Variants in DOCK1 observed in about 807,000 individuals in gnomAD.
DOCK1 encodes the protein dedicator of cytokinesis 1.
A neutral mutation model predicts 262.7 loss-of-function variants in DOCK1; 138 were observed. That is an observed-to-expected ratio of 0.53 (90% CI 0.46 to 0.61). The LOEUF (loss-of-function observed/expected upper bound fraction) is 0.61. Ranked by LOEUF, DOCK1 falls within the 20% of genes least tolerant of loss-of-function variation. The pLI, the probability that DOCK1 is intolerant of heterozygous loss-of-function variation, is 0.00. For missense variants in DOCK1, 1,908 were observed against 2,370.7 expected (o/e 0.80, Z 4.05); for synonymous variants, 866 against 867.4 (o/e 1.00, Z 0.03).
intron 30 of DOCK1, among the ~76,000 whole-genome samples, chr10:127,339,633 G>GTT (rs2063339049): frequency 6.6e-6 from 1 of 151,540 alleles, no homozygotes; most frequent in Non-Finnish European, 1.5e-5. Flanking sequence ...GTTTGTGTGT[G>GTT]TGTGTGTGTG....
chr10:127,263,144 A>C (rs928032051), intron 29 of DOCK1, among the ~76,000 whole-genome samples: 3 of 152,160 alleles, frequency 2.0e-5, no homozygotes, highest in Non-Finnish European at 2.9e-5. Flanking sequence ...GTGAATTTTG[A>C]GTGTGGAATT....
At chr10:127,155,792 G>C (rs967490749) in intron 27 of DOCK1, among the ~76,000 whole-genome samples, 35 of 152,144 alleles carry the variant, frequency 2.3e-4, no homozygotes, top group African/African-American at 7.5e-4. Flanking sequence ...TTCTACTGGA[G>C]CTCGGCTCTA....
chr10:127,088,153 T>G (rs1344378819), intron 23 of DOCK1, among the ~76,000 whole-genome samples: 1 of 152,242 alleles, frequency 6.6e-6, no homozygotes. Flanking sequence ...CTCATATTTT[T>G]CTTTATCATA....
At position 127,026,418 on chromosome 10, in the gene DOCK1, C is replaced by T; in HGVS notation, c.1618C>T (p.Gln540Ter). Residue 540 changes from glutamine (Q) to a stop codon, truncating the protein, a stop_gained, in exon 16 of 52, where the codon CAG becomes TAG. Coordinates refer to ENST00000623213, the MANE Select transcript of DOCK1 (RefSeq NM_001290223.2). LOFTEE classifies it high-confidence loss of function. Reference protein sequence around the residue: ...LRFTFRHRSSQDSKDKSEKIF... With the variant: ...LRFTFRHRSS ...GTTTACCTTCCGCCACAGGTCATCA[C>T]AGGACTGTGAGTAGTCAAGCACTTT... The T allele has an allele frequency of 6.3e-7, 1 of 1,577,778 alleles. No homozygotes were observed. Among genetic ancestry groups the T allele is most frequent in the Non-Finnish European group, 8.6e-7 (1 of 1,160,420 alleles).
chr10:126,960,610 G>A (rs1465670358), intron 1 of DOCK1, among the ~76,000 whole-genome samples: 2 of 151,172 alleles, frequency 1.3e-5, no homozygotes, highest in African/African-American at 4.9e-5. Context: ...TGGGGACTCT[G>A]GTTTGGTTTG....
intron 1 of DOCK1, among the ~76,000 whole-genome samples, chr10:126,927,144 G>A (rs995990016): frequency 5.3e-5 from 8 of 152,160 alleles, no homozygotes; most frequent in East Asian, 1.9e-4. Context: ...TGTATTTTGC[G>A]TCGTCTTTTT....
chr10:127,302,116 G>C (rs1025521393), intron 29 of DOCK1, among the ~76,000 whole-genome samples: 1 of 148,468 alleles, frequency 6.7e-6, no homozygotes, highest in African/African-American at 2.6e-5. Flanking sequence ...TGAATGCTGT[G>C]GCCCGGAGCT....
chr10:126,977,841 T>A (rs2038663230), intron 2 of DOCK1, 107 bp from the exon 3 acceptor site: 2 of 1,078,686 alleles, frequency 1.9e-6, no homozygotes, highest in Non-Finnish European at 2.8e-6. Context: ...GGTGACAAAC[T>A]GACCTCACTG....
intron 27 of DOCK1, among the ~76,000 whole-genome samples, chr10:127,174,131 T>C (rs1009614103): frequency 2.0e-5 from 3 of 152,252 alleles, no homozygotes; most frequent in Admixed American, 6.5e-5. Flanking sequence ...CAGGTGGTTT[T>C]CTGTCCTGGA....
At chr10:126,984,643 A>C (rs1447168692) in intron 4 of DOCK1, among the ~76,000 whole-genome samples, 1 of 152,012 alleles carries the variant, frequency 6.6e-6, no homozygotes, top group Admixed American at 6.5e-5. Flanking sequence ...TGCTGGGATT[A>C]CAGATGTGAG....
At chr10:127,214,041 G>T (rs559822536) in intron 27 of DOCK1, among the ~76,000 whole-genome samples, 1 of 152,054 alleles carries the variant, frequency 6.6e-6, no homozygotes, top group South Asian at 2.1e-4. Context: ...CAGAGACAAG[G>T]TTTCACTATG....
chr10:127,388,998 C>T (rs1375870906), intron 38 of DOCK1, among the ~76,000 whole-genome samples: 1 of 152,244 alleles, frequency 6.6e-6, no homozygotes, highest in East Asian at 1.9e-4. Flanking sequence ...GGCTTCCCCA[C>T]AACTAGAGAT....
intron 30 of DOCK1, among the ~76,000 whole-genome samples, chr10:127,341,115 G>T (rs1171605610): frequency 2.6e-5 from 4 of 152,050 alleles, no homozygotes; most frequent in Admixed American, 6.6e-5. Context: ...TATCTTTCAG[G>T]TGTTTAATCC....
At chr10:126,975,594 A>G (rs886406337) in intron 2 of DOCK1, among the ~76,000 whole-genome samples, 3 of 151,130 alleles carry the variant, frequency 2.0e-5, no homozygotes, top group Non-Finnish European at 2.9e-5. Context: ...TCTTCTATAC[A>G]TAGTTTATAA....
rs377664760 is a variant in DOCK1, at chr10:127,215,505, T to G, written c.2848-32503T>G. On this transcript the variant is annotated intron_variant, in intron 27 of 51. Transcript: ENST00000623213. The stretch of plus-strand genomic sequence containing the variant: ...TTTAGAGCAGAAGCTGTAGCTACAT[T>G]CTGTACCTGTTTATCTTGAGTTCCT... Among the ~76,000 whole-genome samples the G allele has an allele frequency of 8.5e-5, 13 of 152,340 alleles. No homozygotes were observed. In the South Asian group the frequency reaches 2.7e-3, roughly 32 times the overall value.
chr10:127,240,967 G>A (rs1352105562), intron 27 of DOCK1, among the ~76,000 whole-genome samples: 1 of 152,166 alleles, frequency 6.6e-6, no homozygotes, highest in Non-Finnish European at 1.5e-5. Flanking sequence ...CTAAGCTGGG[G>A]GAGGAATATA....
At chr10:127,185,838 G>T (rs972014366) in intron 27 of DOCK1, among the ~76,000 whole-genome samples, 12 of 152,188 alleles carry the variant, frequency 7.9e-5, no homozygotes, top group African/African-American at 2.9e-4. Context: ...TCACAAAAAT[G>T]AGTAGATGGC....
chr10:127,197,061 G>A (rs1209283105), intron 27 of DOCK1, among the ~76,000 whole-genome samples: 1 of 152,182 alleles, frequency 6.6e-6, no homozygotes, highest in Non-Finnish European at 1.5e-5. Context: ...CCTTGTAGAA[G>A]CAGGAGTTCG....
intron 40 of DOCK1, among the ~76,000 whole-genome samples, chr10:127,408,432 C>T (rs2067646540): frequency 6.6e-6 from 1 of 152,158 alleles, no homozygotes; most frequent in African/African-American, 2.4e-5. Context: ...GTCACTCACT[C>T]GGGGGAGGCC....
Sources: gnomAD v4.1 joint callset for allele counts (sites outside exome capture counted in the v4.1 genomes callset) on GRCh38, gnomAD v4.1.1 for gene constraint, MANE v1.5 for transcripts, NCBI Gene and HGNC (gene_info 2026-07-23, HGNC 2026-07-21) for gene names.